The following TPTE2 variants were observed in gnomAD, a reference collection of about 807,000 sequenced individuals.
The protein encoded by TPTE2 is transmembrane phosphoinositide 3-phosphatase and tensin homolog 2.
A neutral mutation model predicts 78.6 loss-of-function variants in TPTE2; 53 were observed. That is an observed-to-expected ratio of 0.67 (90% CI 0.54 to 0.85). TPTE2 has a LOEUF of 0.85. TPTE2 is among the 40% of genes least tolerant of loss of function. The pLI is 0.00. For missense variants in TPTE2, 461 were observed against 623.0 expected, an observed-to-expected ratio of 0.74 and a Z score of 2.77; for synonymous variants, 175 against 206.2, an observed-to-expected ratio of 0.85 and a Z score of 1.30.
At chr13:19,454,265 T>A (rs143865001) in intron 10 of TPTE2, among the ~76,000 whole-genome samples, 5,686 of 152,290 alleles carry the variant, frequency 0.037, 386 homozygotes, top group African/African-American at 0.13. Context: ...GATTCCCTTT[T>A]AAGAATAAAG....
intron 4 of TPTE2, among the ~76,000 whole-genome samples, chr13:19,480,228 T>A (rs556857911): frequency 1.3e-5 from 2 of 152,108 alleles, no homozygotes; most frequent in African/African-American, 2.4e-5. Context: ...GGCCATGATG[T>A]AAAGCATGAA....
intron 3 of TPTE2, among the ~76,000 whole-genome samples, chr13:19,489,101 T>C (rs1380245869): frequency 6.6e-6 from 1 of 152,158 alleles, no homozygotes; most frequent in Non-Finnish European, 1.5e-5. Flanking sequence ...GGAACAAACA[T>C]GTCATTGATT....
At chr13:19,495,658 A>G (rs1234830153) in intron 1 of TPTE2, among the ~76,000 whole-genome samples, 1 of 152,216 alleles carries the variant, frequency 6.6e-6, no homozygotes, top group Non-Finnish European at 1.5e-5. Flanking sequence ...ATGTGTTTGT[A>G]TATGCATAGA....
chr13:19,424,868 AG>A, intron 19 of TPTE2, 78 bp downstream of exon 22: 1 of 924,734 alleles, frequency 1.1e-6, no homozygotes, highest in Non-Finnish European at 1.6e-6. Flanking sequence ...TATGACAACC[AG>A]CAAAAGACTT....
intron 3 of TPTE2, among the ~76,000 whole-genome samples, chr13:19,487,175 G>A (rs1880713681): frequency 6.6e-6 from 1 of 152,140 alleles, no homozygotes; most frequent in Admixed American, 6.5e-5. Flanking sequence ...GTATGTGGCT[G>A]CTTAGTTGGC....
chr13:19,456,940 C>T (rs1393347899), intron 10 of TPTE2, among the ~76,000 whole-genome samples: 2 of 152,054 alleles, frequency 1.3e-5, no homozygotes, highest in Non-Finnish European at 2.9e-5. Context: ...ACTATAAGGC[C>T]ATAATAATTA....
chr13:19,547,165 G>A, the TPTE2 span, among the ~76,000 whole-genome samples: 1 of 151,676 alleles, frequency 6.6e-6, no homozygotes, highest in East Asian at 1.9e-4. Context: ...AACAACATAA[G>A]ACAGTGGGGT....
chr13:19,559,686 C>A, the TPTE2 span, among the ~76,000 whole-genome samples: 1 of 146,782 alleles, frequency 6.8e-6, no homozygotes, highest in East Asian at 2.0e-4. Context: ...GCCTGCACCC[C>A]CTTCCCTCCC....
At chr13:19,443,253 A>G (rs182092774) in intron 13 of TPTE2, among the ~76,000 whole-genome samples, 6 of 152,034 alleles carry the variant, frequency 3.9e-5, no homozygotes, top group African/African-American at 1.4e-4. Context: ...CAATGTAATT[A>G]ACCACATTTA....
chr13:19,423,414 C>T (rs1368739516), intron 19 of TPTE2, among the ~76,000 whole-genome samples: 1 of 152,130 alleles, frequency 6.6e-6, no homozygotes, highest in Admixed American at 6.5e-5. Flanking sequence ...TTAATGACAT[C>T]CAAGTTTAAT....
At chr13:19,467,307 C>G in exon 7 of TPTE2, 1 of 1,555,460 alleles carries the variant, frequency 6.4e-7, no homozygotes, top group Middle Eastern at 1.7e-4. Flanking sequence ...ATGGCAGTAT[C>G]TAAAATGTTA....
intron 10 of TPTE2, among the ~76,000 whole-genome samples, chr13:19,456,995 C>G (rs1878576825): frequency 6.6e-6 from 1 of 152,036 alleles, no homozygotes; most frequent in Admixed American, 6.5e-5. Flanking sequence ...AACAAAAGGA[C>G]AAAAAGCCCA....
intron 1 of TPTE2, among the ~76,000 whole-genome samples, chr13:19,531,023 CT>C (rs1487033805): frequency 6.6e-6 from 1 of 152,260 alleles, no homozygotes; most frequent in African/African-American, 2.4e-5. Flanking sequence ...TCCCCTACCC[CT>C]ATCCCCTGGA....
the TPTE2 span, among the ~76,000 whole-genome samples, chr13:19,547,406 A>C: frequency 1.3e-5 from 2 of 152,336 alleles, no homozygotes; most frequent in South Asian, 4.1e-4. Context: ...GACTGTGAAG[A>C]AATAGGATTT....
intron 6 of TPTE2, among the ~76,000 whole-genome samples, chr13:19,468,318 G>C (rs1879415505): frequency 6.6e-6 from 1 of 151,996 alleles, no homozygotes; most frequent in Admixed American, 6.5e-5. Context: ...TGGGATTACA[G>C]GCATGAGCCA....
intron 10 of TPTE2, among the ~76,000 whole-genome samples, chr13:19,462,719 A>G (rs554730457): frequency 9.5e-4 from 144 of 151,094 alleles, no homozygotes; most frequent in Non-Finnish European, 1.8e-3. Context: ...ATTTTTTTCT[A>G]TTGTTTGTAG....
rs1429927282 is a variant in TPTE2, at chr13:19,486,908, C to T, written c.120-4361G>A. On this transcript the variant is annotated intron_variant, in intron 3 of 19. Coordinates refer to ENST00000400230, the Ensembl canonical transcript of TPTE2. This position sits in a 1 kb window ranked among gnomAD's most constrained non-coding sequence, Gnocchi z 4.3. ...CTGCCAGGGGAAGCCCAGGGGACTG[C>T]TTCTATAAGCCAGGATGTGGACACG... 1.3e-5 allele frequency among the ~76,000 whole-genome samples: 2 copies of T among 152,108 alleles called. No homozygotes were observed. Among genetic ancestry groups the T allele is most frequent in the Non-Finnish European group, 2.9e-5 (2 of 68,022 alleles).
chr13:19,492,844 A>T lies in TPTE2; in HGVS notation c.119+6T>A. ...ATACGTGTGTCTTCATGTATTTATA[A>T]CTCACCTTTTACTGATAGGTGACAC... is the stretch of plus-strand genomic sequence containing the variant. On this transcript the variant is annotated splice_donor_region_variant and intron_variant, in intron 3 of 19. Coordinates refer to ENST00000400230, the Ensembl canonical transcript of TPTE2. 1 of 1,613,806 alleles carries T rather than the reference A, an allele frequency of 6.2e-7. No individual in the cohort carries two copies. Among genetic ancestry groups the T allele is most frequent in the Non-Finnish European group, 8.5e-7 (1 of 1,179,768 alleles).
intron 3 of TPTE2, among the ~76,000 whole-genome samples, chr13:19,485,657 C>A (rs1392904981): frequency 6.6e-6 from 1 of 152,050 alleles, no homozygotes; most frequent in East Asian, 1.9e-4. Context: ...TTCTGGAATG[C>A]CCATAATATG....
Sources: gnomAD v4.1 joint callset for allele counts (sites outside exome capture counted in the v4.1 genomes callset) on GRCh38, gnomAD v4.1.1 for gene constraint, Gnocchi (gnomAD v3.1) non-coding constraint, MANE v1.5 for transcripts, NCBI Gene and HGNC (gene_info 2026-07-23, HGNC 2026-07-21) for gene names.